Variants in TBC1D17 observed in about 807,000 individuals in gnomAD.
TBC1D17 encodes the protein TBC1 domain family member 17.
A neutral mutation model predicts 78.8 loss-of-function variants in TBC1D17; 69 were observed. The ratio of observed to expected loss-of-function variants is 0.88; its 90% CI spans 0.72 to 1.07. The LOEUF (loss-of-function observed/expected upper bound fraction) is 1.07, where lower values mean the gene tolerates loss of function less well. TBC1D17 is among the 50% of genes least tolerant of loss of function. The pLI, the probability that TBC1D17 is intolerant of heterozygous loss-of-function variation, is 0.00. For missense variants in TBC1D17, 957 were observed against 861.0 expected (o/e 1.11, Z -1.39); for synonymous variants, 456 against 358.3 (o/e 1.27, Z -3.08).
In TBC1D17 at chr19:49,887,495, T is replaced by G. The variant is rs772564093; in HGVS notation, c.1464T>G (p.Ser488=). 6.8e-6 allele frequency: 11 copies of G among 1,614,022 alleles called. No homozygotes were observed. The African/African-American group carries it at 1.2e-4, about 18-fold the overall frequency. Reference sequence around the variant, plus strand: ...CCCCAGATTCCCAGGACTCCGGCTCTCTCTGCTTCTGTTTCCGGTGGCTGC... The same window carrying G: ...CCCCAGATTCCCAGGACTCCGGCTCGCTCTGCTTCTGTTTCCGGTGGCTGC... The part of the protein sequence containing the change: ...CDFLDSQDSG[S]LCFCFRWLLI... The change falls in exon 14 of 17, where the codon TCT becomes TCG. Residue 488 remains serine, a synonymous_variant. Transcript: ENST00000221543.
In TBC1D17 at chr19:49,883,762, G is replaced by T. The variant is rs1181353036; in HGVS notation, c.1126+17G>T. 1.9e-6 allele frequency: 3 copies of T among 1,607,648 alleles called. No homozygotes were observed. Among genetic ancestry groups the T allele is most frequent in the Non-Finnish European group, 1.7e-6 (2 of 1,174,686 alleles). On this transcript the variant is annotated intron_variant, in intron 10 of 16. Coordinates refer to ENST00000221543, the MANE Select transcript of TBC1D17 (RefSeq NM_024682.3). ...GCCTCATCGGTCAGTGTCAGGGGTG[G>T]CACTTAGGGTGGATGGGAGCAGGGA...
At position 49,884,495 on chromosome 19, in the gene TBC1D17, TC is replaced by T. The variant is rs1411733624; in HGVS notation, c.1282del (p.Leu428SerfsTer32). The T allele has an allele frequency of 6.2e-7, 1 of 1,614,000 alleles. No individual in the cohort carries two copies. The highest frequency in any genetic ancestry group is 8.5e-7 in the Non-Finnish European group (1 of 1,180,022). ...GGCATGAGTGATCTTCTCTCCCCGATCCTCTACGTCATTCAGAACGAGGTGG... is the reference window on the plus strand; with the variant it reads ...GGCATGAGTGATCTTCTCTCCCCGATCTCTACGTCATTCAGAACGAGGTGG... ...VQGMSDLLSP[I>X]LYVIQNEVDA... is the part of the protein sequence containing the mutation. On this transcript the variant is annotated frameshift_variant, in exon 12 of 17. Coordinates refer to ENST00000221543, the MANE Select transcript of TBC1D17 (RefSeq NM_024682.3). LOFTEE classifies it high-confidence loss of function.
intron 4 of TBC1D17, among the ~76,000 whole-genome samples, chr19:49,880,707 T>G (rs2075005512): frequency 6.6e-6 from 1 of 152,074 alleles, no homozygotes; most frequent in Non-Finnish European, 1.5e-5. Flanking sequence ...ATGCAGCCAG[T>G]TAGGGTGATT....
chr19:49,888,241 A>G lies in TBC1D17; in HGVS notation c.1670A>G (p.Glu557Gly), dbSNP rs748049741. Residue 557 changes from glutamate to glycine, a missense_variant, in exon 16 of 17, where the codon GAG (glutamate) becomes GGG (glycine). Transcript: ENST00000221543. Reference protein sequence around the residue: ...GSNEILKHINELTMKLSVEDV... With the variant: ...GSNEILKHINGLTMKLSVEDV... The stretch of plus-strand genomic sequence containing the variant: ...CACCCCCTCCCGCAGCACATCAACG[A>G]GCTGACTATGAAGCTGAGCGTGGAG... The G allele has an allele frequency of 6.3e-7, 1 of 1,588,686 alleles. No homozygotes were observed.
chr19:49,888,168 G>A, intron 15 of TBC1D17, 63 bp from the exon 16 acceptor site: 1 of 1,549,838 alleles, frequency 6.5e-7, no homozygotes, highest in Non-Finnish European at 8.7e-7. Context: ...ACGAAGCACA[G>A]AGTGGGCGCT....
In TBC1D17 at chr19:49,877,738, C is replaced by G; in HGVS notation, c.15C>G (p.Gly5=). 6.3e-7 allele frequency: 1 copy of G among 1,597,602 alleles called. No individual in the cohort carries two copies. The highest frequency in any genetic ancestry group is 8.5e-7 in the Non-Finnish European group (1 of 1,173,146). Residue 5 remains glycine, a synonymous_variant, in exon 1 of 17, where the codon GGC becomes GGG. Coordinates refer to ENST00000221543, the MANE Select transcript of TBC1D17 (RefSeq NM_024682.3). The part of the protein sequence containing the change: MEGA[G]YRVVFEKGGV... ...CGGCGGCGACTATGGAAGGAGCCGG[C>G]TACAGGGTAAGCACTGAGGACGCAT...
At chr19:49,883,524 C>A in intron 9 of TBC1D17, 127 bp from the exon 10 acceptor site, 1 of 699,502 alleles carries the variant, frequency 1.4e-6, no homozygotes, top group Non-Finnish European at 2.5e-6. Context: ...GACGAGGTGA[C>A]CTGCTTGGGT....
In TBC1D17 at chr19:49,882,329, G is replaced by C. The variant is rs754882698; in HGVS notation, c.727G>C (p.Glu243Gln). Residue 243 changes from glutamate (E) to glutamine (Q), a missense_variant, in exon 7 of 17, where the codon GAG becomes CAG. Physicochemically the swap from Glu to Gln is conservative, Grantham distance 29. Coordinates refer to ENST00000221543, the MANE Select transcript of TBC1D17 (RefSeq NM_024682.3). ...CCGGGGTGCCCTGCAGCCACAGCCT[G>C]AGGGAGCCGCCTCCGACCTTCCCCC... ...FFRGALQPQP[E>Q]GAASDLPPPP... The C allele has an allele frequency of 1.4e-5, 22 of 1,611,332 alleles. No homozygotes were observed. The highest frequency in any genetic ancestry group is 1.8e-5 in the Non-Finnish European group (21 of 1,179,996).
Position 49,880,433 on chromosome 19 carries a change from C to T in TBC1D17, c.319+31C>T, listed in dbSNP as rs1055966794. The T allele has an allele frequency of 5.0e-6, 8 of 1,610,270 alleles. No individual in the cohort carries two copies. In the East Asian group the frequency reaches 6.7e-5, roughly 13 times the overall value. On this transcript the variant is annotated intron_variant, in intron 4 of 16. Coordinates refer to ENST00000221543, the MANE Select transcript of TBC1D17 (RefSeq NM_024682.3). ...CTGAGGTGGCGGCCCTTGAGAAGCA[C>T]GTGTGGGCCAGGTAGGACACATCTT...
In TBC1D17 at chr19:49,882,164, C is replaced by T. The variant is rs182506101; in HGVS notation, c.639+12C>T. ...CCAATGTGGTGTCAGTGAGTGTCCCCAGCAGGAGGCCTGGCGGGTGTGGGC... is the reference window on the plus strand; with the variant it reads ...CCAATGTGGTGTCAGTGAGTGTCCCTAGCAGGAGGCCTGGCGGGTGTGGGC... On this transcript the variant is annotated intron_variant, in intron 6 of 16. Transcript: ENST00000221543. The T allele has an allele frequency of 6.6e-4, 1,066 of 1,614,016 alleles. 10 individuals are homozygous for T. In the East Asian group the frequency reaches 0.017, roughly 25 times the overall value.
rs113666707 is a variant in TBC1D17, at chr19:49,884,122, C to T, written c.1127-131C>T. On this transcript the variant is annotated intron_variant, in intron 10 of 16. Transcript: ENST00000221543. ...GTGATAGTTTCTAGAACCAGCTCTGCTTCTCCCCCAGAGCAAACCCCGAGG... is the reference window on the plus strand; with the variant it reads ...GTGATAGTTTCTAGAACCAGCTCTGTTTCTCCCCCAGAGCAAACCCCGAGG... 6.2e-6 allele frequency: 5 copies of T among 808,274 alleles called. No individual in the cohort carries two copies. In the African/African-American group the frequency reaches 6.8e-5, roughly 11 times the overall value. The allele number at this position is 808,274 out of a possible 1,614,324, so 50.1% of individuals were successfully genotyped here. A position where few individuals can be genotyped will look rare whatever the true frequency, so the allele number is the denominator to read the frequency against.
intron 13 of TBC1D17, 81 bp from the exon 14 acceptor site, chr19:49,887,395 A>C: frequency 7.1e-7 from 1 of 1,412,810 alleles, no homozygotes. Flanking sequence ...GACTTGGGGA[A>C]GGTCTTCCAG....
Position 49,884,687 on chromosome 19 carries a change from C to A in TBC1D17, c.1373C>A (p.Thr458Asn). The A allele has an allele frequency of 6.2e-7, 1 of 1,614,106 alleles. No individual in the cohort carries two copies. Among genetic ancestry groups the A allele is most frequent in the Non-Finnish European group, 8.5e-7 (1 of 1,180,018 alleles). ...VQGNFEESQE[T>N]MKRQLGRLLL... is the part of the protein sequence containing the mutation. The stretch of plus-strand genomic sequence containing the variant: ...GGGAACTTTGAAGAGAGCCAGGAGA[C>A]CATGAAGCGGCAACTCGGGCGACTG... Residue 458 changes from threonine (T) to asparagine (N), a missense_variant, in exon 13 of 17, where the codon ACC (threonine) becomes AAC (asparagine). Coordinates refer to ENST00000221543, the MANE Select transcript of TBC1D17 (RefSeq NM_024682.3).
chr19:49,885,865 T>TG (rs1209216228), intron 13 of TBC1D17, among the ~76,000 whole-genome samples: 13 of 149,112 alleles, frequency 8.7e-5, no homozygotes, highest in African/African-American at 3.3e-4. Flanking sequence ...TCCCAGCTGT[T>TG]GGGATCGGCT....
chr19:49,885,566 C>G lies in TBC1D17; in HGVS notation c.1444+808C>G, dbSNP rs745709126. ...GTGTGGTGGTTCATGGTTGTAATCC[C>G]AGTGCTTTGGGAGGCCAAGGTGGGA... On this transcript the variant is annotated intron_variant, in intron 13 of 16. Transcript: ENST00000221543. The G allele has an allele frequency of 2.0e-5, 3 of 151,770 alleles. No homozygotes were observed. The South Asian group carries it at 6.2e-4, about 31-fold the overall frequency. 9.4% of individuals were successfully genotyped at this position (151,770 alleles called of 1,614,324 possible). A position where few individuals can be genotyped will look rare whatever the true frequency, so the allele number is the denominator to read the frequency against.
chr19:49,881,928 G>T, intron 5 of TBC1D17, 113 bp from the exon 6 acceptor site: 1 of 890,974 alleles, frequency 1.1e-6, no homozygotes, highest in Non-Finnish European at 1.8e-6. Flanking sequence ...ATGAGGGGTT[G>T]CCCAGGGGTG....
chr19:49,878,155 A>G lies in TBC1D17; in HGVS notation c.34A>G (p.Lys12Glu), dbSNP rs2074975824. ...CCCCCCAACTCAGGTGGTGTTTGAG[A>G]AGGGCGGAGTGTACCTGCACACCAG... ...EGAGYRVVFEKGGVYLHTSAK... is the reference protein window; with the variant it reads ...EGAGYRVVFEEGGVYLHTSAK... Residue 12 changes from lysine (K) to glutamate (E), a missense_variant, in exon 2 of 17, where the codon AAG (lysine) becomes GAG (glutamate). Transcript: ENST00000221543. 1.3e-6 allele frequency: 2 copies of G among 1,578,052 alleles called. No individual in the cohort carries two copies. Among genetic ancestry groups the G allele is most frequent in the African/African-American group, 2.7e-5 (2 of 73,744 alleles).
intron 11 of TBC1D17, 35 bp from the exon 12 acceptor site, chr19:49,884,424 G>C: frequency 6.2e-7 from 1 of 1,613,558 alleles, no homozygotes; most frequent in Non-Finnish European, 8.5e-7. Flanking sequence ...GGAGCGCTGC[G>C]GGCTTGGCTG....
At chr19:49,887,428 C>G (rs768702449) in intron 13 of TBC1D17, 48 bp from the exon 14 acceptor site, 11 of 1,575,714 alleles carry the variant, frequency 7.0e-6, no homozygotes, top group Non-Finnish European at 9.6e-6. Context: ...CTCAAACTCT[C>G]AGTCCCAGCG....
Sources: gnomAD v4.1 joint callset for allele counts (sites outside exome capture counted in the v4.1 genomes callset) on GRCh38, gnomAD v4.1.1 for gene constraint, MANE v1.5 for transcripts, NCBI Gene and HGNC (gene_info 2026-07-23, HGNC 2026-07-21) for gene names.